The following CNBD1 variants were observed in gnomAD, a reference collection of about 807,000 sequenced individuals.
The protein encoded by CNBD1 is cyclic nucleotide binding domain containing 1, also known as cyclic nucleotide-binding domain-containing protein 1.
A neutral mutation model predicts 54.4 loss-of-function variants in CNBD1; 71 were observed. That is an observed-to-expected ratio of 1.30 (90% CI 1.08 to 1.59). The LOEUF is 1.59. Among genes scored for constraint, CNBD1 ranks in the 40% most tolerant of loss-of-function variants. The pLI, the probability that CNBD1 is intolerant of heterozygous loss-of-function variation, is 0.00. For missense variants in CNBD1, 659 were observed against 518.0 expected (o/e 1.27, Z -2.64); for synonymous variants, 182 against 170.7 (o/e 1.07, Z -0.51).
At chr8:87,361,634 A>C (rs10092110) in intron 10 of CNBD1, among the ~76,000 whole-genome samples, 1 of 151,268 alleles carries the variant, frequency 6.6e-6, no homozygotes, top group African/African-American at 2.4e-5. Flanking sequence ...TTTTGCATAT[A>C]CTTTGCCCCA....
At chr8:87,108,235 C>T (rs1328658300) in intron 4 of CNBD1, among the ~76,000 whole-genome samples, 1 of 152,040 alleles carries the variant, frequency 6.6e-6, no homozygotes, top group East Asian at 1.9e-4. Context: ...CAAGCTAGTT[C>T]TTAAAGCCTA....
chr8:87,314,833 G>A (rs866494645), intron 8 of CNBD1, among the ~76,000 whole-genome samples: 6 of 152,082 alleles, frequency 3.9e-5, no homozygotes, highest in Middle Eastern at 3.4e-3. Flanking sequence ...ATATAAAGGT[G>A]CTGTATGAAA....
intron 6 of CNBD1, among the ~76,000 whole-genome samples, chr8:87,241,357 G>A (rs1807700977): frequency 7.3e-6 from 1 of 137,802 alleles, no homozygotes; most frequent in Non-Finnish European, 1.5e-5. Context: ...TGCAAGCTCT[G>A]CCTCCCGGGT....
rs937948509 is a variant in CNBD1 at position 87,056,839 on chromosome 8, T to A, written c.431+117085T>A. Among the ~76,000 whole-genome samples the A allele has an allele frequency of 1.1e-4, 17 of 152,300 alleles. 1 individual carries two copies. The highest frequency in any genetic ancestry group is 4.1e-4 in the African/African-American group (17 of 41,586). On this transcript the variant is annotated intron_variant, in intron 4 of 10. Coordinates refer to ENST00000518476, the MANE Select transcript of CNBD1 (RefSeq NM_173538.3). The stretch of plus-strand genomic sequence containing the variant: ...CACATCACAACTAGAAGACTTAATT[T>A]ATAAAATAGCAAAACAAGTTTGCAC...
chr8:86,881,988 A>G (rs1451477680), intron 1 of CNBD1, among the ~76,000 whole-genome samples: 1 of 152,204 alleles, frequency 6.6e-6, no homozygotes, highest in Non-Finnish European at 1.5e-5. Flanking sequence ...ATAAGCAGAA[A>G]ATTGAAAGTG....
downstream of CNBD1, among the ~76,000 whole-genome samples, chr8:87,383,389 A>C (rs1308511654): frequency 6.6e-6 from 1 of 152,094 alleles, no homozygotes; most frequent in East Asian, 1.9e-4. Flanking sequence ...AATACCTACC[A>C]TGTGTCTGAC....
chr8:87,072,414 T>C (rs1208900672), intron 4 of CNBD1, among the ~76,000 whole-genome samples: 1 of 152,176 alleles, frequency 6.6e-6, no homozygotes, highest in Non-Finnish European at 1.5e-5. Flanking sequence ...GTTTGTCTAT[T>C]TTGTTTATTG....
chr8:87,264,436 G>T (rs1808206782), intron 6 of CNBD1, among the ~76,000 whole-genome samples: 1 of 152,044 alleles, frequency 6.6e-6, no homozygotes, highest in Non-Finnish European at 1.5e-5. Context: ...CTTTGCTATT[G>T]TGAATAGTGC....
chr8:86,935,790 T>C (rs1361378840), intron 3 of CNBD1, among the ~76,000 whole-genome samples: 2 of 152,176 alleles, frequency 1.3e-5, no homozygotes, highest in Non-Finnish European at 2.9e-5. Context: ...ACTCTTTCTT[T>C]TTCTCATTTT....
At position 86,982,605 on chromosome 8, in the gene CNBD1, G is replaced by A. The variant is rs182081268; in HGVS notation, c.431+42851G>A. Among the ~76,000 whole-genome samples the A allele has an allele frequency of 1.6e-3, 242 of 152,270 alleles. 2 individuals are homozygous for A. Among genetic ancestry groups the A allele is most frequent in the Non-Finnish European group, 1.0e-4 (7 of 68,016 alleles). ...AAAAATTGATTCATAAAAGAACTAT[G>A]AGTCTATTTCTGAATTATATTTTAT... On this transcript the variant is annotated intron_variant, in intron 4 of 10. Coordinates refer to ENST00000518476, the MANE Select transcript of CNBD1 (RefSeq NM_173538.3).
Position 87,236,983 on chromosome 8 carries a change from TA to T in CNBD1, c.647del (p.Asn216IlefsTer2). On this transcript the variant is annotated frameshift_variant, in exon 6 of 11. Transcript: ENST00000518476. LOFTEE classifies it high-confidence loss of function. ...GLARPQTNVY[K>X]NLIEGSDSPD... The stretch of plus-strand genomic sequence containing the variant: ...TAGCTCGACCTCAAACAAACGTGTA[TA>T]AAAATCTGATTGAAGGAAGTGATTC... The T allele has an allele frequency of 6.2e-7, 1 of 1,612,698 alleles. No individual in the cohort carries two copies. The highest frequency in any genetic ancestry group is 8.5e-7 in the Non-Finnish European group (1 of 1,178,956).
intron 10 of CNBD1, among the ~76,000 whole-genome samples, chr8:87,367,082 C>T (rs992694125): frequency 6.6e-6 from 1 of 151,972 alleles, no homozygotes; most frequent in East Asian, 1.9e-4. Flanking sequence ...CACTAATATA[C>T]CATTGGGACT....
intron 6 of CNBD1, among the ~76,000 whole-genome samples, chr8:87,243,232 A>G (rs1167427560): frequency 6.6e-6 from 1 of 152,246 alleles, no homozygotes; most frequent in Non-Finnish European, 1.5e-5. Flanking sequence ...GGTGGATCCA[A>G]CTAAAGAAAG....
chr8:87,062,145 A>G (rs7015402), intron 4 of CNBD1, among the ~76,000 whole-genome samples: 5,851 of 152,322 alleles, frequency 0.038, 129 homozygotes, highest in Middle Eastern at 0.054. Context: ...TGAGGTCTGC[A>G]ATGACAACTA....
chr8:87,078,964 C>A (rs1810930841), intron 4 of CNBD1, among the ~76,000 whole-genome samples: 1 of 151,968 alleles, frequency 6.6e-6, no homozygotes, highest in Admixed American at 6.6e-5. Context: ...CAATATTAGA[C>A]AAAACTGTGT....
chr8:87,276,647 C>G (rs1412954320), intron 6 of CNBD1, among the ~76,000 whole-genome samples: 1 of 151,766 alleles, frequency 6.6e-6, no homozygotes, highest in Admixed American at 6.6e-5. Context: ...TTGCTGAGAA[C>G]AACTATAAAA....
chr8:87,417,804 A>G (rs1807860900), intron 2 of CNBD1, among the ~76,000 whole-genome samples: 1 of 151,914 alleles, frequency 6.6e-6, no homozygotes, highest in South Asian at 2.1e-4. Context: ...TATCAATATT[A>G]GTATCAATAT....
intron 1 of CNBD1, 52 bp downstream of exon 1, chr8:86,866,635 G>T (rs1808369346): frequency 7.3e-7 from 1 of 1,369,330 alleles, no homozygotes; most frequent in African/African-American, 1.4e-5. Context: ...GTTTTCAGCG[G>T]TTCTTACCCC....
chr8:87,207,453 G>GAC (rs35603569), intron 5 of CNBD1, among the ~76,000 whole-genome samples: 4,615 of 148,270 alleles, frequency 0.031, 170 homozygotes, highest in African/African-American at 0.085. Context: ...TATGCACATA[G>GAC]ACACACACAC....
Sources: gnomAD v4.1 joint callset for allele counts (sites outside exome capture counted in the v4.1 genomes callset) on GRCh38, gnomAD v4.1.1 for gene constraint, MANE v1.5 for transcripts, NCBI Gene and HGNC (gene_info 2026-07-23, HGNC 2026-07-21) for gene names.